Variants in BMP2K observed in about 807,000 individuals in gnomAD.
BMP2K encodes the protein BMP2 inducible kinase.
BMP2K carries 74 observed loss-of-function variants against 116.0 expected under a neutral mutation model. That is an observed-to-expected ratio of 0.64 (90% confidence interval 0.53 to 0.77). The LOEUF is 0.77. BMP2K is among the 30% of genes least tolerant of loss of function. The pLI is 0.00. For missense variants in BMP2K, 1,365 were observed against 1,403.6 expected (o/e 0.97, Z 0.44); for synonymous variants, 486 against 502.5 (o/e 0.97, Z 0.44).
At chr4:78,823,018 T>A (rs545845901) in intron 1 of BMP2K, among the ~76,000 whole-genome samples, 1 of 152,240 alleles carries the variant, frequency 6.6e-6, no homozygotes, top group African/African-American at 2.4e-5. Context: ...AAGATAGTAC[T>A]GGGGAAAACA....
intron 3 of BMP2K, among the ~76,000 whole-genome samples, chr4:78,835,408 A>C (rs955616493): frequency 2.0e-5 from 3 of 151,902 alleles, no homozygotes; most frequent in African/African-American, 7.3e-5. Context: ...GGTTGATCAC[A>C]AGGTCAGGAG....
intron 8 of BMP2K, 23 bp from the exon 9 acceptor site, chr4:78,861,366 C>T (rs752870932): frequency 1.2e-5 from 19 of 1,556,986 alleles, no homozygotes; most frequent in African/African-American, 2.8e-5. Flanking sequence ...TAAAATGAGA[C>T]GTTTTATTTT....
intron 2 of BMP2K, among the ~76,000 whole-genome samples, chr4:78,831,545 T>C (rs1233972618): frequency 2.0e-5 from 3 of 152,264 alleles, no homozygotes; most frequent in Non-Finnish European, 4.4e-5. Context: ...GTCTGAATTC[T>C]GTGTTTACTG....
At chr4:78,856,574 G>C (rs1484567320) in intron 7 of BMP2K, among the ~76,000 whole-genome samples, 1 of 151,700 alleles carries the variant, frequency 6.6e-6, no homozygotes, top group Non-Finnish European at 1.5e-5. Context: ...AGATAAAAAT[G>C]TAGCCAAGTT....
chr4:78,834,235 T>C (rs28479356), intron 3 of BMP2K, among the ~76,000 whole-genome samples: 3,538 of 151,992 alleles, frequency 0.023, 129 homozygotes, highest in African/African-American at 0.077. Flanking sequence ...ATCATCATCA[T>C]CATCATAAAA....
intron 2 of BMP2K, among the ~76,000 whole-genome samples, chr4:78,829,787 T>TCTCCTCTC (rs1730089748): frequency 1.2e-5 from 1 of 86,594 alleles, no homozygotes; most frequent in Non-Finnish European, 2.3e-5. Flanking sequence ...TTTCTTTTCT[T>TCTCCTCTC]TTCTCTTCTC....
chr4:78,811,383 ATAAT>A (rs928539311), intron 1 of BMP2K, among the ~76,000 whole-genome samples: 2 of 152,312 alleles, frequency 1.3e-5, no homozygotes, highest in African/African-American at 2.4e-5. Flanking sequence ...GTAGTACATA[ATAAT>A]TTTATATTCA....
intron 15 of BMP2K, among the ~76,000 whole-genome samples, chr4:78,892,153 G>A (rs1321316493): frequency 1.3e-5 from 2 of 152,114 alleles, no homozygotes; most frequent in Admixed American, 1.3e-4. Context: ...AAGAGTTAGT[G>A]TATGATGTAG....
chr4:78,851,689 C>T (rs1010045777), intron 7 of BMP2K, among the ~76,000 whole-genome samples: 2 of 148,406 alleles, frequency 1.3e-5, no homozygotes, highest in Admixed American at 6.6e-5. Context: ...CTTTCTCAGC[C>T]GTTTGTGGGC....
At chr4:78,840,774 T>C (rs2110019985) in intron 3 of BMP2K, among the ~76,000 whole-genome samples, 1 of 152,302 alleles carries the variant, frequency 6.6e-6, no homozygotes, top group South Asian at 2.1e-4. Flanking sequence ...GGATTTCTAC[T>C]TCAAAGGTCT....
At chr4:78,836,918 A>C (rs777321160) in intron 3 of BMP2K, among the ~76,000 whole-genome samples, 10 of 152,050 alleles carry the variant, frequency 6.6e-5, no homozygotes, top group Non-Finnish European at 8.8e-5. Context: ...TCTTTCCTTT[A>C]TCTACAACGT....
At chr4:78,816,922 T>C (rs912788476) in intron 1 of BMP2K, among the ~76,000 whole-genome samples, 2 of 152,168 alleles carry the variant, frequency 1.3e-5, no homozygotes, top group African/African-American at 4.8e-5. Flanking sequence ...GGAATTTGTG[T>C]TTTCAAGAAA....
intron 1 of BMP2K, among the ~76,000 whole-genome samples, chr4:78,785,029 T>A (rs1402995956): frequency 6.6e-6 from 1 of 152,226 alleles, no homozygotes; most frequent in Non-Finnish European, 1.5e-5. Context: ...TTGATCGTTA[T>A]ACAATTTGAG....
At chr4:78,794,120 T>C (rs1019939771) in intron 1 of BMP2K, among the ~76,000 whole-genome samples, 2 of 152,100 alleles carry the variant, frequency 1.3e-5, no homozygotes, top group Non-Finnish European at 2.9e-5. Context: ...TGCTGTAAAA[T>C]TTGTAGACTC....
At chr4:78,870,704 T>C (rs1391486617) in intron 10 of BMP2K, 79 bp from the exon 11 acceptor site, 3 of 1,507,904 alleles carry the variant, frequency 2.0e-6, no homozygotes, top group Non-Finnish European at 2.7e-6. Context: ...TAAATTATTA[T>C]TGAAATGAGC....
intron 1 of BMP2K, among the ~76,000 whole-genome samples, chr4:78,823,473 CTCAT>C (rs1729720535): frequency 6.8e-6 from 1 of 147,572 alleles, no homozygotes; most frequent in Non-Finnish European, 1.5e-5. Flanking sequence ...TGCTCTCTCT[CTCAT>C]ATATATATAT....
At chr4:78,785,759 A>G (rs1166325629) in intron 1 of BMP2K, among the ~76,000 whole-genome samples, 1 of 152,214 alleles carries the variant, frequency 6.6e-6, no homozygotes, top group African/African-American at 2.4e-5. Context: ...TTTGTTTCCA[A>G]TGCTGTCAGC....
intron 15 of BMP2K, among the ~76,000 whole-genome samples, chr4:78,903,357 T>G (rs1236826246): frequency 6.6e-6 from 1 of 152,006 alleles, no homozygotes; most frequent in Non-Finnish European, 1.5e-5. Flanking sequence ...CATAATTATT[T>G]CACAACTTTT....
rs192806340 is a variant in BMP2K at position 78,796,751 on chromosome 4, G to A, written c.178+20030G>A. On this transcript the variant is annotated intron_variant, in intron 1 of 15. Coordinates refer to ENST00000502613, the MANE Select transcript of BMP2K (RefSeq NM_198892.2). ...GGAAGTTGTGTAACGGATGATTGTG[G>A]TCTATATCCAGGCTTTGTATTTATG... Among the ~76,000 whole-genome samples the A allele has an allele frequency of 6.6e-4, 101 of 152,256 alleles. 3 individuals are homozygous for A. The South Asian group carries it at 0.019, about 29-fold the overall frequency.
Sources: allele counts gnomAD v4.1 joint callset (sites outside exome capture counted in the v4.1 genomes callset), GRCh38; gene constraint gnomAD v4.1.1; transcripts MANE v1.5; gene names NCBI Gene and HGNC (gene_info 2026-07-23, HGNC 2026-07-21).